The following TSPEAR variants were observed in gnomAD, a reference collection of about 807,000 sequenced individuals.
TSPEAR encodes the protein thrombospondin type laminin G domain and EAR repeats.
TSPEAR carries 69 observed loss-of-function variants against 71.6 expected under a neutral mutation model. That is an observed-to-expected ratio of 0.96 (90% confidence interval 0.79 to 1.18). The LOEUF is 1.18. Among genes scored for constraint, TSPEAR ranks in the 50% most tolerant of loss-of-function variants. The pLI is 0.00. For synonymous variants in TSPEAR, 402 were observed against 387.2 expected, an observed-to-expected ratio of 1.04 and a Z score of -0.45; for missense variants, 971 against 894.9, an observed-to-expected ratio of 1.09 and a Z score of -1.09.
At chr21:44,527,559 A>G (rs2052882525) in intron 6 of TSPEAR, 41 bp from the exon 7 acceptor site, 2 of 1,596,036 alleles carry the variant, frequency 1.3e-6, no homozygotes, top group Non-Finnish European at 1.7e-6. Context: ...GATTTCCGAG[A>G]ACGGAAATCC....
Position 44,612,321 on chromosome 21 carries a change from T to C in TSPEAR, c.83-44316A>G, listed in dbSNP as rs1461315609. On this transcript the variant is annotated intron_variant, in intron 1 of 11. Transcript: ENST00000323084. This position sits in a 1 kb window ranked among gnomAD's most constrained non-coding sequence, Gnocchi z 4.1. The stretch of plus-strand genomic sequence containing the variant: ...TGTGCCCCAGCCCCCTGCCTGGCCC[T>C]GGTCTGTGCCCCAGTGAGCTGTGAG... 1.2e-6 allele frequency: 2 copies of C among 1,613,572 alleles called. No individual in the cohort carries two copies. The highest frequency in any genetic ancestry group is 2.7e-5 in the African/African-American group (2 of 74,890).
At chr21:44,525,885 G>T in intron 7 of TSPEAR, 46 bp from the exon 8 acceptor site, 1 of 1,590,930 alleles carries the variant, frequency 6.3e-7, no homozygotes, top group South Asian at 1.1e-5. Context: ...TTGGGTCGGT[G>T]CCAGCGGCCT....
chr21:44,555,358 C>A (rs1000491798), intron 2 of TSPEAR, among the ~76,000 whole-genome samples: 90 of 152,230 alleles, frequency 5.9e-4, no homozygotes, highest in African/African-American at 2.0e-3. Context: ...CCACACAGAG[C>A]CTCCTCTCCC....
At chr21:44,653,643 CT>C (rs1984944766) in intron 1 of TSPEAR, among the ~76,000 whole-genome samples, 1 of 152,234 alleles carries the variant, frequency 6.6e-6, no homozygotes, top group Non-Finnish European at 1.5e-5. Context: ...CACATACCAG[CT>C]AATAAGCAGA....
intron 2 of TSPEAR, among the ~76,000 whole-genome samples, chr21:44,545,770 G>A (rs1461923151): frequency 1.3e-5 from 2 of 151,952 alleles, no homozygotes; most frequent in African/African-American, 4.8e-5. Flanking sequence ...GTATGTAGAG[G>A]GAAATTGATA....
rs896290349 is a variant in TSPEAR at position 44,502,227 on chromosome 21, A to C, written c.1857-2291T>G. On this transcript the variant is annotated intron_variant, in intron 11 of 11. Transcript: ENST00000323084. ...CAGCCCATCAAACGGCCATGCTCAG[A>C]TGTGCTCGTTAAATTAGAGCAAGGT... is the stretch of plus-strand genomic sequence containing the variant. 2.0e-5 allele frequency among the ~76,000 whole-genome samples: 3 copies of C among 152,226 alleles called. No homozygotes were observed. In the East Asian group the frequency reaches 5.8e-4, roughly 29 times the overall value.
chr21:44,557,565 G>A (rs1555920028), intron 2 of TSPEAR, among the ~76,000 whole-genome samples: 1 of 152,160 alleles, frequency 6.6e-6, no homozygotes, highest in Non-Finnish European at 1.5e-5. Context: ...GGCCGGGTGG[G>A]TGTGGGGGAT....
At chr21:44,702,682 G>A (rs1305160617) in intron 1 of TSPEAR, 17 of 1,539,226 alleles carry the variant, frequency 1.1e-5, no homozygotes, top group South Asian at 2.3e-5. Flanking sequence ...TTGTGCACCC[G>A]CCTTCTCCTG....
At chr21:44,570,326 G>A (rs2053774757) in intron 1 of TSPEAR, among the ~76,000 whole-genome samples, 2 of 152,238 alleles carry the variant, frequency 1.3e-5, no homozygotes, top group East Asian at 1.9e-4. Context: ...GCAGTGTTGT[G>A]TGCCTCTCAG....
chr21:44,697,394 G>C, intron 1 of TSPEAR: 1 of 1,613,606 alleles, frequency 6.2e-7, no homozygotes, highest in South Asian at 1.1e-5. Context: ...CTGCTGCCGA[G>C]TGACCTGTGA....
chr21:44,564,825 A>T (rs782655598), intron 2 of TSPEAR, among the ~76,000 whole-genome samples: 4 of 152,200 alleles, frequency 2.6e-5, no homozygotes, highest in Non-Finnish European at 5.9e-5. Flanking sequence ...ATGACAGCAG[A>T]ATATACATTT....
chr21:44,523,995 TAGTC>T (rs1332862468), intron 8 of TSPEAR, among the ~76,000 whole-genome samples: 9 of 151,510 alleles, frequency 5.9e-5, no homozygotes, highest in Admixed American at 3.3e-4. Context: ...ATCAGTCAGG[TAGTC>T]AGTCAGGTAG....
Position 44,711,420 on chromosome 21 carries a change from G to A in TSPEAR, c.82+13C>T, listed in dbSNP as rs1393972379. On this transcript the variant is annotated intron_variant, in intron 1 of 11. Transcript: ENST00000323084. This position sits in a 1 kb window ranked among gnomAD's most constrained non-coding sequence, Gnocchi z 4.5. ...AAGATACCCCCGCCCGAGTTCCCATGCCCCTGCCTTACCTGTGCAGGGCTC... is the reference window on the plus strand; with the variant it reads ...AAGATACCCCCGCCCGAGTTCCCATACCCCTGCCTTACCTGTGCAGGGCTC... 2 of 1,584,086 alleles carry A rather than the reference G, an allele frequency of 1.3e-6. No homozygotes were observed. Among genetic ancestry groups the A allele is most frequent in the East Asian group, 2.3e-5 (1 of 43,480 alleles).
In TSPEAR at chr21:44,499,361, G is replaced by A. The variant is rs587643099; in HGVS notation, c.*422C>T. 3.1e-4 allele frequency: 54 copies of A among 174,384 alleles called. No homozygotes were observed. The highest frequency in any genetic ancestry group is 5.5e-4 in the Non-Finnish European group (45 of 81,914). 10.8% of individuals were successfully genotyped at this position (174,384 alleles called of 1,614,324 possible). On this transcript the variant is annotated 3_prime_UTR_variant, in exon 12 of 12. Transcript: ENST00000323084. ...AGATAAAACACAATAAATAGGTGGC[G>A]GCAATGGCGGGACGGCACCACACCT...
chr21:44,594,811 A>G (rs1354981438), intron 1 of TSPEAR, among the ~76,000 whole-genome samples: 1 of 138,528 alleles, frequency 7.2e-6, no homozygotes, highest in Non-Finnish European at 1.5e-5. Flanking sequence ...TTCCAAACTT[A>G]CGGATCTGTG....
Position 44,710,602 on chromosome 21 carries a change from G to A in TSPEAR, c.82+831C>T, listed in dbSNP as rs959439130. On this transcript the variant is annotated intron_variant, in intron 1 of 11. Transcript: ENST00000323084. The surrounding 1 kb of genome is among the most constrained non-coding windows in gnomAD (Gnocchi z 4.6). ...ATGATTTGCAAACAAAACCAGAAGCGCAAGCCATCTCCTCGCCTCCCCTGA... is the reference window on the plus strand; with the variant it reads ...ATGATTTGCAAACAAAACCAGAAGCACAAGCCATCTCCTCGCCTCCCCTGA... 2.0e-5 allele frequency among the ~76,000 whole-genome samples: 3 copies of A among 152,180 alleles called. No homozygotes were observed. The highest frequency in any genetic ancestry group is 1.3e-4 in the Admixed American group (2 of 15,288).
chr21:44,577,609 C>T (rs916589169), intron 1 of TSPEAR, among the ~76,000 whole-genome samples: 30 of 152,294 alleles, frequency 2.0e-4, no homozygotes, highest in African/African-American at 5.8e-4. Flanking sequence ...ATGAGGGAAC[C>T]GTCCCCATGA....
In TSPEAR at chr21:44,504,839, G is replaced by A; in HGVS notation, c.1797C>T (p.Phe599=). ...WEFFSVGEDY[F]LVVANSFDGR... is the part of the protein sequence containing the mutation. Reference sequence around the variant, plus strand: ...CATCGAAGGAGTTGGCCACCACCAGGAAATAATCTTCTCCCACCGAGAAAA... The same window carrying A: ...CATCGAAGGAGTTGGCCACCACCAGAAAATAATCTTCTCCCACCGAGAAAA... The change falls in exon 11 of 12, where the codon TTC becomes TTT. Residue 599 remains phenylalanine, a synonymous_variant. Coordinates refer to ENST00000323084, the MANE Select transcript of TSPEAR (RefSeq NM_144991.3). 1 of 1,612,556 alleles carries A rather than the reference G, an allele frequency of 6.2e-7. No individual in the cohort carries two copies. The highest frequency in any genetic ancestry group is 8.5e-7 in the Non-Finnish European group (1 of 1,179,534).
intron 1 of TSPEAR, among the ~76,000 whole-genome samples, chr21:44,590,784 G>T (rs1979740968): frequency 6.6e-6 from 1 of 152,036 alleles, no homozygotes; most frequent in African/African-American, 2.4e-5. Context: ...GTGCTGCCAG[G>T]GTCCACTTTG....
Sources: gnomAD v4.1 joint callset for allele counts (sites outside exome capture counted in the v4.1 genomes callset) on GRCh38, gnomAD v4.1.1 for gene constraint, Gnocchi (gnomAD v3.1) non-coding constraint, MANE v1.5 for transcripts, NCBI Gene and HGNC (gene_info 2026-07-23, HGNC 2026-07-21) for gene names.